The following CCNJL variants were observed in gnomAD, a reference collection of about 807,000 sequenced individuals.
CCNJL encodes cyclin-J-like protein.
In CCNJL, 33 loss-of-function variants were observed where a neutral mutation model predicts 33.4. The ratio of observed to expected loss-of-function variants is 0.99; its 90% CI spans 0.75 to 1.32. The LOEUF (loss-of-function observed/expected upper bound fraction) is 1.32, where lower values mean the gene tolerates loss of function less well. CCNJL is among the 40% of genes most tolerant of loss of function. CCNJL has a pLI of 0.00. For missense variants in CCNJL, 512 were observed against 499.7 expected (o/e 1.02, Z -0.23); for synonymous variants, 227 against 220.9 (o/e 1.03, Z -0.24).
At chr5:160,267,149 C>T (rs1275444657) in intron 3 of CCNJL, among the ~76,000 whole-genome samples, 1 of 152,110 alleles carries the variant, frequency 6.6e-6, no homozygotes, top group East Asian at 1.9e-4. Context: ...TGCTGCATCC[C>T]GAGGCCCAAC....
At chr5:160,307,302 G>A (rs746092908) in intron 2 of CCNJL, among the ~76,000 whole-genome samples, 1 of 152,186 alleles carries the variant, frequency 6.6e-6, no homozygotes, top group Non-Finnish European at 1.5e-5. Flanking sequence ...CTAGTGGGTA[G>A]GACAAGTCAC....
At chr5:160,262,206 T>C (rs920381218) in intron 3 of CCNJL, among the ~76,000 whole-genome samples, 1 of 152,090 alleles carries the variant, frequency 6.6e-6, no homozygotes, top group African/African-American at 2.4e-5. Context: ...TGTACTGGGG[T>C]GGCACTAAGA....
At chr5:160,298,750 T>A (rs903177513) in intron 2 of CCNJL, among the ~76,000 whole-genome samples, 4 of 152,156 alleles carry the variant, frequency 2.6e-5, no homozygotes, top group Non-Finnish European at 5.9e-5. Context: ...TAAAGCATAT[T>A]ATAATCCCAC....
At chr5:160,325,663 C>T (rs752364871) in intron 1 of CCNJL, among the ~76,000 whole-genome samples, 6 of 152,132 alleles carry the variant, frequency 3.9e-5, no homozygotes, top group Non-Finnish European at 8.8e-5. Context: ...AAAGTATACA[C>T]ATATTTGAGG....
Position 160,280,926 on chromosome 5 carries a change from C to T in CCNJL, c.67-188G>A, listed in dbSNP as rs1412753926. 2.7e-5 allele frequency: 19 copies of T among 694,422 alleles called. No individual in the cohort carries two copies. The East Asian group carries it at 5.1e-4, about 19-fold the overall frequency. 43.0% of individuals were successfully genotyped at this position (694,422 alleles called of 1,614,324 possible). ...ATCTCCCATCTGCTTTCACTAAGCA[C>T]AGGCTCATAAAGTATCAAGGACCTA... On this transcript the variant is annotated intron_variant, in intron 2 of 5. Coordinates refer to ENST00000257536, the MANE Select transcript of CCNJL (RefSeq NM_001308173.3).
rs1355773630 is a variant in CCNJL, at chr5:160,283,000, T to TATAC, written c.67-2263_67-2262insGTAT. Among the ~76,000 whole-genome samples the TATAC allele has an allele frequency of 2.5e-4, 14 of 56,498 alleles. 1 individual carries two copies. The highest frequency in any genetic ancestry group is 1.3e-3 in the African/African-American group (14 of 10,808). 37.1% of individuals were successfully genotyped at this position (56,498 alleles called of 152,430 possible). On this transcript the variant is annotated intron_variant, in intron 2 of 5. Coordinates refer to ENST00000257536, the MANE Select transcript of CCNJL (RefSeq NM_001308173.3). Reference sequence around the variant, plus strand: ...ATATATATATATATATATATATATATATATATATACATATATATATATATA... The same window carrying TATAC: ...ATATATATATATATATATATATATATATACATATATATACATATATATATATATA...
At chr5:160,317,509 G>A (rs906061188), upstream of CCNJL, among the ~76,000 whole-genome samples, 17 of 152,020 alleles carry the variant, frequency 1.1e-4, no homozygotes, top group Non-Finnish European at 1.5e-4. Flanking sequence ...CTGCTGTTCC[G>A]TTCTCTGTTT....
At position 160,337,268 on chromosome 5, in the gene CCNJL, G is replaced by A. The variant is rs183139168; in HGVS notation, n.206+2177C>T. Among the ~76,000 whole-genome samples, 485 of 151,228 alleles carry A rather than the reference G, an allele frequency of 3.2e-3. 7 individuals are homozygous for A. Among genetic ancestry groups the A allele is most frequent in the African/African-American group, 0.011 (451 of 41,162 alleles). On this transcript the variant is annotated intron_variant and non_coding_transcript_variant, in intron 1 of 7. Transcript: ENST00000377503. The stretch of plus-strand genomic sequence containing the variant: ...TGGGCTGAAAAGATCCTTCTGTCTC[G>A]CCTCGCCTCCCAAAGTGCTGGGATT...
At chr5:160,326,425 A>C (rs1763536353) in intron 1 of CCNJL, among the ~76,000 whole-genome samples, 1 of 144,016 alleles carries the variant, frequency 6.9e-6, no homozygotes, top group East Asian at 2.2e-4. Context: ...CAGTGAGCAA[A>C]GATTGTACCA....
In CCNJL at chr5:160,250,925, C is replaced by A. The variant is rs1760784429; in HGVS notation, c.*2453G>T. 6.6e-6 allele frequency: 1 copy of A among 152,098 alleles called. No individual in the cohort carries two copies. The highest frequency in any genetic ancestry group is 2.1e-4 in the South Asian group (1 of 4,826). The allele number at this position is 152,098 out of a possible 1,614,324, so 9.4% of individuals were successfully genotyped here. On this transcript the variant is annotated 3_prime_UTR_variant, in exon 6 of 6. Coordinates refer to ENST00000257536, the MANE Select transcript of CCNJL (RefSeq NM_001308173.3). ...CCTATGAGGCAAGGTGTTATCACTC[C>A]CATTTTAACAGGTGACAAGATGGAG...
At chr5:160,329,483 T>C (rs1204842188) in intron 1 of CCNJL, among the ~76,000 whole-genome samples, 4 of 151,762 alleles carry the variant, frequency 2.6e-5, no homozygotes, top group African/African-American at 7.3e-5. Flanking sequence ...CCAGAGTAGC[T>C]GGCACTACAG....
At chr5:160,274,477 T>C (rs1162062484) in intron 3 of CCNJL, among the ~76,000 whole-genome samples, 2 of 150,244 alleles carry the variant, frequency 1.3e-5, no homozygotes, top group African/African-American at 2.4e-5. Flanking sequence ...AAACAATCTG[T>C]AGTAAGGAGA....
At chr5:160,265,205 G>C (rs1196380191) in intron 3 of CCNJL, among the ~76,000 whole-genome samples, 2 of 152,238 alleles carry the variant, frequency 1.3e-5, no homozygotes, top group African/African-American at 4.8e-5. Flanking sequence ...TGCGTGGGAA[G>C]ATGCCTACTG....
exon 1 of CCNJL, chr5:160,339,457 T>C (rs773999329): frequency 1.1e-5 from 5 of 452,218 alleles, no homozygotes; most frequent in Admixed American, 2.4e-5. Flanking sequence ...CTCCAAGTGT[T>C]TGTAATATTT....
At chr5:160,318,682 G>A (rs1763405594) in intron 1 of CCNJL, among the ~76,000 whole-genome samples, 1 of 152,216 alleles carries the variant, frequency 6.6e-6, no homozygotes, top group South Asian at 2.1e-4. Flanking sequence ...CTAAGGTAGA[G>A]CGTGTTGATT....
Position 160,259,522 on chromosome 5 carries a change from GTCT to G in CCNJL, c.527_529del (p.Lys176del). The G allele has an allele frequency of 6.2e-7, 1 of 1,614,184 alleles. No homozygotes were observed. On this transcript the variant is annotated inframe_deletion, in exon 4 of 6. Coordinates refer to ENST00000257536, the MANE Select transcript of CCNJL (RefSeq NM_001308173.3). Reference sequence around the variant, plus strand: ...GGCATACTCCTTGAGGCACTCTTTGGTCTTGCGGGGGCAGGTGGTGGGCCAGGT... The same window carrying G: ...GGCATACTCCTTGAGGCACTCTTTGGTGCGGGGGCAGGTGGTGGGCCAGGT...
At chr5:160,276,599 T>C (rs1295882657) in intron 3 of CCNJL, among the ~76,000 whole-genome samples, 1 of 152,130 alleles carries the variant, frequency 6.6e-6, no homozygotes, top group South Asian at 2.1e-4. Context: ...AGCAGATTAG[T>C]GGCTGCCAGA....
intron 1 of CCNJL, among the ~76,000 whole-genome samples, chr5:160,320,512 A>G (rs1325868251): frequency 6.6e-6 from 1 of 152,194 alleles, no homozygotes; most frequent in Non-Finnish European, 1.5e-5. Context: ...CTTTATGAGG[A>G]AAAAACCGCC....
upstream of CCNJL, among the ~76,000 whole-genome samples, chr5:160,313,224 C>T (rs531956442): frequency 1.3e-5 from 2 of 152,310 alleles, no homozygotes; most frequent in Admixed American, 6.5e-5. Flanking sequence ...TTTGGAAAGT[C>T]ATCCTTTTGA....
Sources: allele counts gnomAD v4.1 joint callset (sites outside exome capture counted in the v4.1 genomes callset), GRCh38; gene constraint gnomAD v4.1.1; transcripts MANE v1.5; gene names NCBI Gene and HGNC (gene_info 2026-07-23, HGNC 2026-07-21).